The following MYRFL variants were observed in gnomAD, a reference collection of about 807,000 sequenced individuals.
MYRFL encodes myelin regulatory factor like.
Under a neutral mutation model 109.4 loss-of-function variants are expected in MYRFL, and 88 were observed. That is an observed-to-expected ratio of 0.80 (90% CI 0.68 to 0.96). The LOEUF is 0.96. MYRFL is among the 40% of genes least tolerant of loss of function. The pLI is 0.00. For missense variants in MYRFL, 957 were observed against 954.9 expected, an observed-to-expected ratio of 1.00 and a Z score of -0.03; for synonymous variants, 324 against 320.9, an observed-to-expected ratio of 1.01 and a Z score of -0.10.
At chr12:69,857,163 A>T (rs1884344593) in intron 2 of MYRFL, among the ~76,000 whole-genome samples, 1 of 151,890 alleles carries the variant, frequency 6.6e-6, no homozygotes, top group Admixed American at 6.6e-5. Flanking sequence ...AGTTGTAAAA[A>T]ATCAATTGAC....
In MYRFL at chr12:69,952,143, ATGCACTCAGCGGCCC is replaced by A. The variant is rs1277835485; in HGVS notation, c.2258_2272del (p.Ala753_Pro757del). The A allele has an allele frequency of 7.2e-6, 11 of 1,536,032 alleles. No homozygotes were observed. The African/African-American group carries it at 1.5e-4, about 21-fold the overall frequency. ...AAAAGCAAATCAGTTTTGGCAAGAA[ATGCACTCAGCGGCCC>A]TGACTGGGAGAGTGACTGTAAGTTG... On this transcript the variant is annotated inframe_deletion, in exon 20 of 25. Transcript: ENST00000552032.
At chr12:69,943,949 G>T (rs1955750113) in intron 19 of MYRFL, among the ~76,000 whole-genome samples, 1 of 149,268 alleles carries the variant, frequency 6.7e-6, no homozygotes, top group South Asian at 2.1e-4. Flanking sequence ...ATCATCACTG[G>T]CCATCAGAGA....
intron 2 of MYRFL, among the ~76,000 whole-genome samples, chr12:69,863,895 T>C (rs889734199): frequency 1.3e-5 from 2 of 152,230 alleles, no homozygotes; most frequent in East Asian, 3.8e-4. Flanking sequence ...AACTTCATTT[T>C]TAAAAGACAT....
chr12:69,912,442 C>T (rs1428719709), intron 13 of MYRFL, among the ~76,000 whole-genome samples: 1 of 152,134 alleles, frequency 6.6e-6, no homozygotes, highest in African/African-American at 2.4e-5. Flanking sequence ...AAAACAAAAA[C>T]TCTGTACCTG....
intron 1 of MYRFL, among the ~76,000 whole-genome samples, chr12:69,835,182 G>A (rs1030493038): frequency 6.6e-6 from 1 of 152,162 alleles, no homozygotes; most frequent in Non-Finnish European, 1.5e-5. Context: ...GGCCGGGGTG[G>A]TATAAAATTC....
intron 12 of MYRFL, 65 bp downstream of exon 12, chr12:69,910,142 ATTTT>A: frequency 1.8e-6 from 2 of 1,097,798 alleles, no homozygotes; most frequent in Non-Finnish European, 2.6e-6. Context: ...TTACCTCTTT[ATTTT>A]GAGGTTATGT....
Position 69,891,162 on chromosome 12 carries a change from C to G in MYRFL, c.899C>G (p.Thr300Ser). 6.6e-7 allele frequency: 1 copy of G among 1,513,554 alleles called. No homozygotes were observed. Among genetic ancestry groups the G allele is most frequent in the Non-Finnish European group, 8.8e-7 (1 of 1,137,166 alleles). The allele number at this position is 1,513,554 out of a possible 1,614,324, so 93.8% of individuals were successfully genotyped here. A position where few individuals can be genotyped will look rare whatever the true frequency, so the allele number is the denominator to read the frequency against. The stretch of plus-strand genomic sequence containing the variant: ...ATGTTTTACTTGAAAGTTTTTGGCA[C>G]TAAGGTATGTCTTTTATTTAGTTCA... ...IEMFYLKVFG[T>S]KVEATNQIIA... Residue 300 changes from threonine to serine, a missense_variant, in exon 7 of 25, where the codon ACT (threonine) becomes AGT (serine). Physicochemically the swap from Thr to Ser is moderately conservative, Grantham distance 58. Transcript: ENST00000552032.
intron 2 of MYRFL, among the ~76,000 whole-genome samples, chr12:69,856,408 A>G (rs1884286885): frequency 6.6e-6 from 1 of 152,110 alleles, no homozygotes; most frequent in Admixed American, 6.5e-5. Flanking sequence ...AAATTTCTCT[A>G]TGATAAATAC....
intron 10 of MYRFL, among the ~76,000 whole-genome samples, chr12:69,900,771 G>A (rs1954156687): frequency 6.6e-6 from 1 of 152,162 alleles, no homozygotes; most frequent in African/African-American, 2.4e-5. Context: ...CCTTCAAATT[G>A]CTGCTGATGC....
At chr12:69,913,911 T>C (rs76506807) in intron 13 of MYRFL, among the ~76,000 whole-genome samples, 227 of 152,346 alleles carry the variant, frequency 1.5e-3, no homozygotes, top group African/African-American at 4.6e-3. Context: ...GTAACAATAT[T>C]AAGTCTTCTA....
chr12:69,853,654 C>T (rs1176251404), intron 1 of MYRFL, among the ~76,000 whole-genome samples: 1 of 148,616 alleles, frequency 6.7e-6, no homozygotes, highest in African/African-American at 2.5e-5. Context: ...CAGAGGGGCT[C>T]CTCACATCCC....
intron 19 of MYRFL, among the ~76,000 whole-genome samples, chr12:69,944,647 C>T (rs1413480224): frequency 6.6e-6 from 1 of 151,084 alleles, no homozygotes; most frequent in Non-Finnish European, 1.5e-5. Flanking sequence ...TACTAACCTG[C>T]ACAATGTGCA....
chr12:69,924,190 GAAAAA>G (rs543542332), intron 13 of MYRFL, among the ~76,000 whole-genome samples: 1 of 79,880 alleles, frequency 1.3e-5, no homozygotes, highest in African/African-American at 5.0e-5. Context: ...CTCCGTCTCA[GAAAAA>G]AAAAAAAAAA....
chr12:69,847,529 A>C (rs911532693), intron 1 of MYRFL, among the ~76,000 whole-genome samples: 1 of 152,238 alleles, frequency 6.6e-6, no homozygotes, highest in African/African-American at 2.4e-5. Flanking sequence ...CACTGAAGAT[A>C]ATCACCATTA....
chr12:69,894,704 A>C (rs1025651540), intron 8 of MYRFL, among the ~76,000 whole-genome samples: 13 of 152,236 alleles, frequency 8.5e-5, no homozygotes, highest in Non-Finnish European at 1.3e-4. Context: ...TCCTCTCTGT[A>C]GGATGACTTA....
intron 8 of MYRFL, 74 bp from the exon 9 acceptor site, chr12:69,895,297 G>A: frequency 9.0e-7 from 1 of 1,105,572 alleles, no homozygotes; most frequent in Non-Finnish European, 1.3e-6. Flanking sequence ...GAGTCTGAAA[G>A]TGGATTAGAT....
intron 13 of MYRFL, among the ~76,000 whole-genome samples, chr12:69,913,875 A>G (rs190631041): frequency 3.3e-5 from 5 of 152,324 alleles, no homozygotes; most frequent in Non-Finnish European, 5.9e-5. Flanking sequence ...TTGAATTTGT[A>G]GATCACTTTG....
intron 15 of MYRFL, among the ~76,000 whole-genome samples, chr12:69,929,802 G>A (rs769010672): frequency 1.7e-4 from 26 of 151,974 alleles, no homozygotes; most frequent in Admixed American, 8.5e-4. Flanking sequence ...AGCCTTCCCC[G>A]TGTCTCATTT....
At chr12:69,868,109 C>CTTT (rs146729804) in intron 2 of MYRFL, among the ~76,000 whole-genome samples, 2 of 135,670 alleles carry the variant, frequency 1.5e-5, no homozygotes, top group Non-Finnish European at 3.2e-5. Context: ...TTTTTTTTTT[C>CTTT]TTTTTTTTTT....
Sources: allele counts gnomAD v4.1 joint callset (sites outside exome capture counted in the v4.1 genomes callset), GRCh38; gene constraint gnomAD v4.1.1; transcripts MANE v1.5; gene names NCBI Gene and HGNC (gene_info 2026-07-23, HGNC 2026-07-21).